Variants in RALGDS observed in about 807,000 individuals in gnomAD.
RALGDS encodes ral guanine nucleotide exchange factor.
A neutral mutation model predicts 99.8 loss-of-function variants in RALGDS; 44 were observed. The ratio of observed to expected loss-of-function variants is 0.44; its 90% CI spans 0.35 to 0.57. The LOEUF is 0.57. Ranked by LOEUF, RALGDS falls within the 20% of genes least tolerant of loss-of-function variation. The pLI is 0.01. For synonymous variants in RALGDS, 529 were observed against 505.0 expected, an observed-to-expected ratio of 1.05 and a Z score of -0.64; for missense variants, 1,022 against 1,203.1, an observed-to-expected ratio of 0.85 and a Z score of 2.23.
intron 1 of RALGDS, among the ~76,000 whole-genome samples, chr9:133,128,706 C>T (rs971852627): frequency 5.9e-5 from 9 of 152,186 alleles, no homozygotes; most frequent in African/African-American, 1.9e-4. Flanking sequence ...TCTTCCTAGC[C>T]TTAGTTTCAC....
chr9:133,112,405 T>G (rs2119176895), intron 1 of RALGDS, among the ~76,000 whole-genome samples: 1 of 152,242 alleles, frequency 6.6e-6, no homozygotes, highest in South Asian at 2.1e-4. Context: ...CCCTAGTAAC[T>G]GGCTTCTGCT....
rs763023345 is a variant in RALGDS at position 133,107,304 on chromosome 9, G to C, written c.1198-4C>G. The C allele has an allele frequency of 6.2e-7, 1 of 1,611,302 alleles. No homozygotes were observed. On this transcript the variant is annotated splice_region_variant and splice_polypyrimidine_tract_variant and intron_variant, in intron 6 of 17. Coordinates refer to ENST00000372050, the MANE Select transcript of RALGDS (RefSeq NM_006266.4). ...GCACCACCTTCTTGAACAGTTCCTG[G>C]GGAGGAGGCTAAATGTCACCTGGTC...
upstream of RALGDS, among the ~76,000 whole-genome samples, chr9:133,133,101 T>C (rs914587516): frequency 6.6e-6 from 1 of 150,844 alleles, no homozygotes; most frequent in Non-Finnish European, 1.5e-5. Context: ...AAGCTTTCTG[T>C]GCTATTCTTG....
intron 14 of RALGDS, 68 bp from the exon 15 acceptor site, chr9:133,102,207 C>T: frequency 6.7e-7 from 1 of 1,492,470 alleles, no homozygotes; most frequent in Non-Finnish European, 9.1e-7. Flanking sequence ...AGCCCCTGCA[C>T]CCTGCGCCCA....
rs560161218 is a variant in RALGDS, at chr9:133,098,453, G to A, written c.*134C>T. ...AATGGCAGGCGTCAATCCCAGCAGC[G>A]GGAGAGGTTCAGGATGAAACTGGAG... is the stretch of plus-strand genomic sequence containing the variant. On this transcript the variant is annotated 3_prime_UTR_variant, in exon 18 of 18. Transcript: ENST00000372050. The A allele has an allele frequency of 9.2e-5, 86 of 936,008 alleles. No homozygotes were observed. Among genetic ancestry groups the A allele is most frequent in the East Asian group, 6.3e-4 (24 of 38,172 alleles). The allele number at this position is 936,008 out of a possible 1,614,324, so 58.0% of individuals were successfully genotyped here. A position where few individuals can be genotyped will look rare whatever the true frequency, so the allele number is the denominator to read the frequency against.
intron 1 of RALGDS, among the ~76,000 whole-genome samples, chr9:133,129,909 G>A (rs148214649): frequency 2.6e-3 from 398 of 151,124 alleles, no homozygotes; most frequent in African/African-American, 9.1e-3. Flanking sequence ...TCTACCTCCC[G>A]GTTCAAGTGA....
intron 9 of RALGDS, 51 bp downstream of exon 9, chr9:133,105,881 C>CTGCCG: frequency 4.9e-5 from 3 of 61,792 alleles, no homozygotes; most frequent in African/African-American, 2.0e-4. Flanking sequence ...CCGCCCCAGC[C>CTGCCG]CCCGCCCCAG....
chr9:133,127,460 G>A (rs1832196133), intron 1 of RALGDS, among the ~76,000 whole-genome samples: 1 of 152,256 alleles, frequency 6.6e-6, no homozygotes, highest in Non-Finnish European at 1.5e-5. Flanking sequence ...TCTGTCTCTT[G>A]TGATCTATAT....
chr9:133,143,554 G>A (rs575854866), intron 1 of RALGDS, among the ~76,000 whole-genome samples: 1 of 152,062 alleles, frequency 6.6e-6, no homozygotes, highest in East Asian at 1.9e-4. Context: ...CCAGGTGTTT[G>A]AGACCAGCCT....
intron 1 of RALGDS, among the ~76,000 whole-genome samples, chr9:133,116,837 G>A (rs543919541): frequency 6.6e-6 from 1 of 152,370 alleles, no homozygotes; most frequent in Admixed American, 6.5e-5. Flanking sequence ...CTGGCCTGTT[G>A]GGACCCACCC....
intron 1 of RALGDS, among the ~76,000 whole-genome samples, chr9:133,115,882 C>T (rs144460858): frequency 1.3e-5 from 2 of 152,360 alleles, no homozygotes; most frequent in South Asian, 2.1e-4. Flanking sequence ...TTCAGCTTTC[C>T]GCTCCAATAC....
At chr9:133,140,537 G>C (rs1213466110) in intron 1 of RALGDS, among the ~76,000 whole-genome samples, 1 of 152,106 alleles carries the variant, frequency 6.6e-6, no homozygotes, top group Non-Finnish European at 1.5e-5. Context: ...CCCTAACCTA[G>C]AAAGAGGGAA....
chr9:133,126,226 C>T (rs942469383), upstream of RALGDS, among the ~76,000 whole-genome samples: 1 of 151,340 alleles, frequency 6.6e-6, no homozygotes, highest in African/African-American at 2.4e-5. Context: ...TTCCCAACCT[C>T]CCCCCGGGAC....
chr9:133,111,295 T>C, intron 2 of RALGDS, among the ~76,000 whole-genome samples: 1 of 151,152 alleles, frequency 6.6e-6, no homozygotes, highest in Admixed American at 6.6e-5. Context: ...CCCGTGGCAC[T>C]GTTTTGTTTT....
rs1307778871 is a variant in RALGDS, at chr9:133,108,851, G to A, written c.600C>T (p.Ile200=). The change falls in exon 5 of 18, where the codon ATC becomes ATT. Residue 200 remains isoleucine, a synonymous_variant. Coordinates refer to ENST00000372050, the MANE Select transcript of RALGDS (RefSeq NM_006266.4). ...QDQLKNAISS[I]LGTWLDQYSE... ...AGTACTGGTCCAGCCAGGTGCCCAG[G>A]ATGGAGGAGATGGCACTGGGGACAG... 2 of 1,612,390 alleles carry A rather than the reference G, an allele frequency of 1.2e-6. No homozygotes were observed. The highest frequency in any genetic ancestry group is 1.7e-6 in the Non-Finnish European group (2 of 1,179,546).
chr9:133,139,329 C>T (rs1248791919), intron 1 of RALGDS, among the ~76,000 whole-genome samples: 1 of 152,194 alleles, frequency 6.6e-6, no homozygotes, highest in Non-Finnish European at 1.5e-5. Flanking sequence ...TGCAGGGACT[C>T]CCCGACCCCA....
In RALGDS at chr9:133,120,989, C is replaced by CG; in HGVS notation, c.165dup (p.Asp56ArgfsTer14). 1 of 1,487,202 alleles carries CG rather than the reference C, an allele frequency of 6.7e-7. No individual in the cohort carries two copies. Among genetic ancestry groups the CG allele is most frequent in the Non-Finnish European group, 8.9e-7 (1 of 1,125,018 alleles). The allele number at this position is 1,487,202 out of a possible 1,614,324, so 92.1% of individuals were successfully genotyped here. A position where few individuals can be genotyped will look rare whatever the true frequency, so the allele number is the denominator to read the frequency against. On this transcript the variant is annotated frameshift_variant, in exon 1 of 18. Transcript: ENST00000372050. LOFTEE classifies it high-confidence loss of function. ...TCACCCACCTCCGGGCGCGGCAGGT[C>CG]GGGGTCTAGCTGCGTGAAGCTGTGC...
upstream of RALGDS, among the ~76,000 whole-genome samples, chr9:133,124,027 T>G (rs1170241182): frequency 8.6e-5 from 5 of 58,120 alleles, 1 homozygote; most frequent in Admixed American, 8.2e-4. Context: ...TACACAGAGA[T>G]GCACACACAG....
intron 8 of RALGDS, 142 bp from the exon 9 acceptor site, chr9:133,106,158 C>T (rs1202113304): frequency 3.2e-5 from 22 of 694,266 alleles, no homozygotes; most frequent in Non-Finnish European, 5.7e-5. Context: ...TAACGCTCTG[C>T]AGGTCTGGGG....
Sources: allele counts gnomAD v4.1 joint callset (sites outside exome capture counted in the v4.1 genomes callset), GRCh38; gene constraint gnomAD v4.1.1; transcripts MANE v1.5; gene names NCBI Gene and HGNC (gene_info 2026-07-23, HGNC 2026-07-21).